The following JPH3 variants were observed in gnomAD, a reference collection of about 807,000 sequenced individuals.
JPH3 encodes the protein junctophilin 3.
In JPH3, 11 loss-of-function variants were observed where a neutral mutation model predicts 59.6. The observed-to-expected ratio is 0.18, with a 90% CI of 0.12 to 0.31. The LOEUF (loss-of-function observed/expected upper bound fraction) is 0.31, where lower values mean the gene tolerates loss of function less well. Among genes scored for constraint, JPH3 ranks in the 10% least tolerant of loss-of-function variants. The probability of loss-of-function intolerance (pLI) is 1.00; values close to 1 mark genes in which losing one functional copy is unlikely to be tolerated. For synonymous variants in JPH3, 673 were observed against 483.6 expected, an observed-to-expected ratio of 1.39 and a Z score of -5.14; for missense variants, 1,202 against 1,105.7, an observed-to-expected ratio of 1.09 and a Z score of -1.24.
chr16:87,683,885 C>T (rs372632224), intron 2 of JPH3: 13 of 451,994 alleles, frequency 2.9e-5, no homozygotes, highest in African/African-American at 2.2e-4. Context: ...GGATTACAGG[C>T]GTGAGCCACC....
At chr16:87,682,834 AG>A (rs145257436) in intron 2 of JPH3, among the ~76,000 whole-genome samples, 2 of 152,184 alleles carry the variant, frequency 1.3e-5, no homozygotes, top group Non-Finnish European at 2.9e-5. Context: ...GGCCACTGGC[AG>A]GCCCCCCCGG....
At chr16:87,613,945 C>T (rs990878952) in intron 1 of JPH3, among the ~76,000 whole-genome samples, 3 of 152,158 alleles carry the variant, frequency 2.0e-5, no homozygotes, top group South Asian at 2.1e-4. Context: ...TTGTTTCTGG[C>T]CGCAGAATTG....
chr16:87,608,572 A>G (rs1306517726), intron 1 of JPH3, among the ~76,000 whole-genome samples: 1 of 152,086 alleles, frequency 6.6e-6, no homozygotes, highest in Non-Finnish European at 1.5e-5. Flanking sequence ...AGAGGAGGAG[A>G]GAAGAGAGGC....
At chr16:87,671,137 G>C (rs2033003695) in intron 2 of JPH3, among the ~76,000 whole-genome samples, 1 of 152,136 alleles carries the variant, frequency 6.6e-6, no homozygotes, top group South Asian at 2.1e-4. Flanking sequence ...ACTTGTGTTA[G>C]GGAGTCCAGC....
intron 2 of JPH3, among the ~76,000 whole-genome samples, chr16:87,657,704 A>AC (rs2032552502): frequency 6.6e-6 from 1 of 151,986 alleles, no homozygotes; most frequent in Non-Finnish European, 1.5e-5. Flanking sequence ...CTGGGGTGTG[A>AC]CCCTAGCTTA....
chr16:87,639,006 G>T (rs1238193795), intron 1 of JPH3, among the ~76,000 whole-genome samples: 2 of 152,200 alleles, frequency 1.3e-5, no homozygotes, highest in African/African-American at 4.8e-5. Context: ...TCTGCCTCAG[G>T]TGACAGCCCT....
intron 2 of JPH3, among the ~76,000 whole-genome samples, chr16:87,666,090 T>TC (rs1180773346): frequency 7.3e-6 from 1 of 136,638 alleles, no homozygotes; most frequent in African/African-American, 3.0e-5. Flanking sequence ...CTTCTTTTTT[T>TC]CTCTTTTTTT....
chr16:87,648,239 GGGAAAAAAAAAA>G (rs1174268236), intron 2 of JPH3, among the ~76,000 whole-genome samples: 1 of 148,104 alleles, frequency 6.8e-6, no homozygotes, highest in Non-Finnish European at 1.5e-5. Flanking sequence ...TTAGAATTTG[GGGAAAAAAAAAA>G]GGAAAAAAAG....
intron 2 of JPH3, among the ~76,000 whole-genome samples, chr16:87,669,843 G>A (rs982156092): frequency 1.3e-5 from 2 of 152,094 alleles, no homozygotes; most frequent in Non-Finnish European, 2.9e-5. Context: ...CAGGCCCTCC[G>A]TTGTGTGTTA....
chr16:87,653,410 A>G (rs2032391285), intron 2 of JPH3, among the ~76,000 whole-genome samples: 1 of 151,956 alleles, frequency 6.6e-6, no homozygotes, highest in South Asian at 2.1e-4. Context: ...CCATGCCTGG[A>G]GCTGAGGGTG....
chr16:87,648,169 G>T (rs945926696), intron 2 of JPH3, among the ~76,000 whole-genome samples: 1 of 152,198 alleles, frequency 6.6e-6, no homozygotes, highest in African/African-American at 2.4e-5. Context: ...GTCATCAGAG[G>T]ATGGAGGATG....
At chr16:87,675,306 C>G (rs551928196) in intron 2 of JPH3, among the ~76,000 whole-genome samples, 2 of 151,936 alleles carry the variant, frequency 1.3e-5, no homozygotes, top group African/African-American at 2.4e-5. Context: ...ACGCCTGCTT[C>G]CTTTGGGCTG....
chr16:87,694,477 G>T (rs1567619478), intron 4 of JPH3: 1 of 152,236 alleles, frequency 6.6e-6, no homozygotes, highest in Non-Finnish European at 1.5e-5. Context: ...TAGGCAAGGG[G>T]ACGGCAGGCT....
At chr16:87,658,984 C>G (rs980710815) in intron 2 of JPH3, among the ~76,000 whole-genome samples, 20 of 152,194 alleles carry the variant, frequency 1.3e-4, no homozygotes, top group African/African-American at 4.6e-4. Context: ...GAGGCGGGGT[C>G]GCAGCTGCAG....
At chr16:87,635,277 G>A (rs1270841861) in intron 1 of JPH3, among the ~76,000 whole-genome samples, 3 of 152,216 alleles carry the variant, frequency 2.0e-5, no homozygotes, top group Admixed American at 6.5e-5. Context: ...AGGAGGTGGA[G>A]CACCTGGTGA....
At chr16:87,639,790 C>A (rs879385962) in intron 1 of JPH3, among the ~76,000 whole-genome samples, 1 of 152,212 alleles carries the variant, frequency 6.6e-6, no homozygotes, top group Non-Finnish European at 1.5e-5. Flanking sequence ...CTGGCTTATT[C>A]CACTGCATGA....
In JPH3 at chr16:87,644,474, C is replaced by T; in HGVS notation, c.599C>T (p.Ala200Val). Reference sequence around the variant, plus strand: ...TCCCGCGGGGGCTTCGTGCTCGTGGCCCACAGTGACTCCGAGATCCTCAAG... The same window carrying T: ...TCCCGCGGGGGCTTCGTGCTCGTGGTCCACAGTGACTCCGAGATCCTCAAG... ...AVSRGGFVLV[A>V]HSDSEILKSK... is the part of the protein sequence containing the mutation. The change falls in exon 2 of 5, where the codon GCC (alanine) becomes GTC (valine). Residue 200 changes from alanine (A) to valine (V), a missense_variant. Ala to Val is a moderately conservative substitution (Grantham distance 64, BLOSUM62 0). Transcript: ENST00000284262. The T allele has an allele frequency of 1.9e-6, 3 of 1,612,768 alleles. No individual in the cohort carries two copies. The highest frequency in any genetic ancestry group is 2.2e-5 in the East Asian group (1 of 44,862).
intron 2 of JPH3, among the ~76,000 whole-genome samples, chr16:87,666,483 C>G (rs976782373): frequency 1.3e-5 from 2 of 152,114 alleles, no homozygotes; most frequent in Non-Finnish European, 2.9e-5. Context: ...CCTCAAATTC[C>G]TGGGCTCAAG....
chr16:87,685,627 C>T (rs955254858), intron 3 of JPH3, among the ~76,000 whole-genome samples: 3 of 152,236 alleles, frequency 2.0e-5, no homozygotes, highest in Non-Finnish European at 4.4e-5. Context: ...AAGCCAGTGC[C>T]GTCGGGGGCA....
Sources: allele counts gnomAD v4.1 joint callset (sites outside exome capture counted in the v4.1 genomes callset), GRCh38; gene constraint gnomAD v4.1.1; transcripts MANE v1.5; gene names NCBI Gene and HGNC (gene_info 2026-07-23, HGNC 2026-07-21).